The following TMEM44 variants were observed in gnomAD, a reference collection of about 807,000 sequenced individuals.
The protein encoded by TMEM44 is transmembrane protein 44.
A neutral mutation model predicts 47.8 loss-of-function variants in TMEM44; 43 were observed. The ratio of observed to expected loss-of-function variants is 0.90; its 90% CI spans 0.70 to 1.16. TMEM44 has a LOEUF of 1.16. Ranked by LOEUF, TMEM44 falls within the 50% of genes most tolerant of loss-of-function variation. The pLI, the probability that TMEM44 is intolerant of heterozygous loss-of-function variation, is 0.00. For missense variants in TMEM44, 568 were observed against 555.2 expected (o/e 1.02, Z -0.23); for synonymous variants, 277 against 238.8 (o/e 1.16, Z -1.48).
chr3:194,624,095 G>GA (rs1437645285), intron 3 of TMEM44, among the ~76,000 whole-genome samples: 15 of 152,214 alleles, frequency 9.9e-5, no homozygotes, highest in Non-Finnish European at 1.6e-4. Flanking sequence ...ATCGACCCGT[G>GA]AATCAGCGAT....
intron 8 of TMEM44, among the ~76,000 whole-genome samples, chr3:194,609,017 ACT>A (rs1226563189): frequency 2.0e-5 from 3 of 152,134 alleles, no homozygotes; most frequent in African/African-American, 7.2e-5. Flanking sequence ...CATTTACAGG[ACT>A]CTCAAAAGGA....
At chr3:194,626,983 A>G (rs75528431) in intron 2 of TMEM44, among the ~76,000 whole-genome samples, 1 of 146,630 alleles carries the variant, frequency 6.8e-6, no homozygotes, top group Non-Finnish European at 1.5e-5. Flanking sequence ...GTGCAGTGGC[A>G]CGATCTCGGC....
intron 1 of TMEM44, among the ~76,000 whole-genome samples, chr3:194,631,333 G>A (rs559839387): frequency 5.3e-5 from 8 of 151,350 alleles, no homozygotes; most frequent in East Asian, 3.9e-4. Context: ...GGGTGGCAGC[G>A]CTGGCTTCAT....
chr3:194,630,713 C>T (rs1391117603), intron 1 of TMEM44, among the ~76,000 whole-genome samples: 2 of 134,972 alleles, frequency 1.5e-5, no homozygotes, highest in South Asian at 2.5e-4. Flanking sequence ...TGAAATGATA[C>T]GCTGTCGTAC....
intron 1 of TMEM44, 148 bp downstream of exon 1, chr3:194,632,931 C>T (rs1172260309): frequency 8.4e-7 from 1 of 1,197,098 alleles, no homozygotes; most frequent in Non-Finnish European, 1.1e-6. Flanking sequence ...CCACTTCAGT[C>T]TACAGAGCAA....
intron 7 of TMEM44, among the ~76,000 whole-genome samples, chr3:194,614,158 C>G (rs1715637669): frequency 6.6e-6 from 1 of 151,808 alleles, no homozygotes; most frequent in Admixed American, 6.6e-5. Context: ...AACAAAAAAC[C>G]AAAAAAACCA....
chr3:194,595,554 G>A (rs1349235029), intron 9 of TMEM44, among the ~76,000 whole-genome samples: 1 of 152,032 alleles, frequency 6.6e-6, no homozygotes, highest in Non-Finnish European at 1.5e-5. Context: ...AGGTGAGATG[G>A]TGCTCGACTT....
At chr3:194,602,048 T>C (rs911364289) in intron 9 of TMEM44, among the ~76,000 whole-genome samples, 3 of 152,194 alleles carry the variant, frequency 2.0e-5, no homozygotes, top group South Asian at 2.1e-4. Context: ...CCTTTAGCCT[T>C]AGATCTCCGC....
At position 194,625,896 on chromosome 3, in the gene TMEM44, C is replaced by A. The variant is rs1209951173; in HGVS notation, c.358+1G>T. ...ACAGGAAAAGACAGCCACACACTCA[C>A]CTGAATTAGACTTGAATTTGGATCC... On this transcript the variant is annotated splice_donor_variant, in intron 3 of 9. Transcript: ENST00000347147. LOFTEE classifies it high-confidence loss of function. The A allele has an allele frequency of 2.5e-6, 4 of 1,611,464 alleles. No individual in the cohort carries two copies. Among genetic ancestry groups the A allele is most frequent in the Non-Finnish European group, 3.4e-6 (4 of 1,177,708 alleles).
chr3:194,596,207 G>C (rs953797750), intron 9 of TMEM44, among the ~76,000 whole-genome samples: 1 of 152,058 alleles, frequency 6.6e-6, no homozygotes, highest in African/African-American at 2.4e-5. Flanking sequence ...GGCTGGGGTC[G>C]AGTGTTGGAA....
At chr3:194,591,307 A>G (rs1024224713) in intron 9 of TMEM44, among the ~76,000 whole-genome samples, 1 of 152,126 alleles carries the variant, frequency 6.6e-6, no homozygotes, top group African/African-American at 2.4e-5. Context: ...AGCCTGGCCA[A>G]CATGGTGAAA....
chr3:194,599,358 T>C (rs188442982), intron 9 of TMEM44, among the ~76,000 whole-genome samples: 70 of 152,188 alleles, frequency 4.6e-4, no homozygotes, highest in African/African-American at 1.5e-3. Flanking sequence ...CCAGGCGAAG[T>C]GTGGTGACAC....
intron 1 of TMEM44, among the ~76,000 whole-genome samples, chr3:194,631,055 T>C (rs1156287955): frequency 6.8e-6 from 1 of 147,400 alleles, no homozygotes; most frequent in Non-Finnish European, 1.5e-5. Flanking sequence ...TGATAGGGCC[T>C]CTGAAATAAT....
At chr3:194,608,004 G>A (rs1054780003) in intron 8 of TMEM44, among the ~76,000 whole-genome samples, 2 of 152,182 alleles carry the variant, frequency 1.3e-5, no homozygotes, top group Non-Finnish European at 2.9e-5. Flanking sequence ...GAATCCCTTC[G>A]ACACTGAGCT....
At position 194,623,530 on chromosome 3, in the gene TMEM44, TG is replaced by T. The variant is rs748588156; in HGVS notation, c.523del (p.Gln175ArgfsTer76). ...CTCCCCACGGTGGCCCAGCCTCACCTGCAGCAGGCTCGCTAGCAGCCTCCGC... is the reference window on the plus strand; with the variant it reads ...CTCCCCACGGTGGCCCAGCCTCACCTCAGCAGGCTCGCTAGCAGCCTCCGC... ...PQRRLLASLL[Q>X]ENTEILGYLL... is the part of the protein sequence containing the mutation. On this transcript the variant is annotated frameshift_variant and splice_region_variant, in exon 4 of 10. Transcript: ENST00000347147. LOFTEE classifies it high-confidence loss of function. 6.3e-7 allele frequency: 1 copy of T among 1,585,832 alleles called. No homozygotes were observed. Among genetic ancestry groups the T allele is most frequent in the Non-Finnish European group, 8.6e-7 (1 of 1,168,328 alleles).
At position 194,633,257 on chromosome 3, in the gene TMEM44, C is replaced by CG; in HGVS notation, c.-43_-42insC. 1 of 1,089,956 alleles carries CG rather than the reference C, an allele frequency of 9.2e-7. No individual in the cohort carries two copies. The highest frequency in any genetic ancestry group is 1.1e-6 in the Non-Finnish European group (1 of 879,408). The allele number at this position is 1,089,956 out of a possible 1,614,324, so 67.5% of individuals were successfully genotyped here. ...CGGCGCGGGGCCGGGGACCTGGGCG[C>CG]AGCCTCCCTCGCCGCGGGCAAGCCC... On this transcript the variant is annotated 5_prime_UTR_variant, in exon 1 of 10. Transcript: ENST00000347147.
chr3:194,589,474 G>A (rs1385106103), intron 9 of TMEM44: 1 of 152,208 alleles, frequency 6.6e-6, no homozygotes, highest in African/African-American at 2.4e-5. Context: ...GTTGTCTCAG[G>A]TAGATGATGG....
At chr3:194,602,569 T>G (rs1714265086) in intron 9 of TMEM44, among the ~76,000 whole-genome samples, 1 of 150,326 alleles carries the variant, frequency 6.7e-6, no homozygotes, top group Admixed American at 6.6e-5. Context: ...GTCACTGCAC[T>G]CCAGCCTGGG....
Position 194,611,135 on chromosome 3 carries a change from T to C in TMEM44, c.913-115A>G. 3.8e-6 allele frequency: 3 copies of C among 789,966 alleles called. No homozygotes were observed. The South Asian group carries it at 4.7e-5, about 12-fold the overall frequency. The allele number at this position is 789,966 out of a possible 1,614,324, so 48.9% of individuals were successfully genotyped here. Reference sequence around the variant, plus strand: ...CCCCCGTGGTATTTTCTCTCTCTCTTTTTTAACGGCACGTCTCACTTTCTG... The same window carrying C: ...CCCCCGTGGTATTTTCTCTCTCTCTCTTTTAACGGCACGTCTCACTTTCTG... On this transcript the variant is annotated intron_variant, in intron 7 of 9. Transcript: ENST00000347147. The surrounding 1 kb of genome is among the most constrained non-coding windows in gnomAD (Gnocchi z 4.2).
Sources: gnomAD v4.1 joint callset for allele counts (sites outside exome capture counted in the v4.1 genomes callset) on GRCh38, gnomAD v4.1.1 for gene constraint, Gnocchi (gnomAD v3.1) non-coding constraint, MANE v1.5 for transcripts, NCBI Gene and HGNC (gene_info 2026-07-23, HGNC 2026-07-21) for gene names.